DST: variants seen among roughly 807,000 people sequenced by gnomAD.
DST encodes dystonin.
A neutral mutation model predicts 875.2 loss-of-function variants in DST; 253 were observed. The observed-to-expected ratio is 0.29, with a 90% confidence interval of 0.26 to 0.32. The LOEUF is 0.32. DST is among the 10% of genes least tolerant of loss of function. The pLI is 1.00. For synonymous variants in DST, 3,124 were observed against 3,197.1 expected (o/e 0.98, Z 0.77); for missense variants, 8,287 against 9,111.6 (o/e 0.91, Z 3.68).
At chr6:56,729,451 G>A (rs1384786050) in intron 5 of DST, among the ~76,000 whole-genome samples, 7 of 152,044 alleles carry the variant, frequency 4.6e-5, no homozygotes, top group South Asian at 2.1e-4. Flanking sequence ...TTAGCTGGGC[G>A]TGGTGGCACA....
chr6:56,894,581 G>GC (rs1448787515), intron 3 of DST, among the ~76,000 whole-genome samples: 65 of 41,392 alleles, frequency 1.6e-3, no homozygotes, highest in East Asian at 3.6e-3. Flanking sequence ...GGGCAGAGGG[G>GC]TCCTCACTTC....
At chr6:56,915,896 A>G (rs1022050511) in intron 2 of DST, among the ~76,000 whole-genome samples, 2 of 152,238 alleles carry the variant, frequency 1.3e-5, no homozygotes, top group African/African-American at 2.4e-5. Context: ...CCAACAAACT[A>G]TTCTCCAGTA....
At position 56,954,818 on chromosome 6, in the gene DST, G is replaced by A. The variant is rs1423861080; in HGVS notation, c.-231C>T. ...TTGCCATGACTCAGCAGACAGCGAC[G>A]AGGCTGCGACTCGGCGGCTGGGATC... is the stretch of plus-strand genomic sequence containing the variant. On this transcript the variant is annotated 5_prime_UTR_variant, in exon 1 of 104. Transcript: ENST00000680361. Among the ~76,000 whole-genome samples, 4 of 149,702 alleles carry A rather than the reference G, an allele frequency of 2.7e-5. No homozygotes were observed. Among genetic ancestry groups the A allele is most frequent in the Admixed American group, 6.6e-5 (1 of 15,084 alleles).
In DST at chr6:56,552,314, C is replaced by A. The variant is rs754436072; in HGVS notation, c.16478G>T (p.Arg5493Leu). ...REEQVEGTIK[R>L]LEEFYSKLKE... ...CAATTTGCTGTAAAATTCTTCAAGG[C>A]GCTTAATTGTCCCTTCAACCTGCTC... is the stretch of plus-strand genomic sequence containing the variant. The change falls in exon 61 of 104, where the codon CGC becomes CTC. Residue 5493 changes from arginine to leucine, a missense_variant. Physicochemically the swap from Arg to Leu is moderately radical, Grantham distance 102. Coordinates refer to ENST00000680361, the MANE Select transcript of DST (RefSeq NM_001374736.1). 1.2e-6 allele frequency: 2 copies of A among 1,613,928 alleles called. No homozygotes were observed. Among genetic ancestry groups the A allele is most frequent in the Non-Finnish European group, 1.7e-6 (2 of 1,179,872 alleles).
rs147790989 is a variant in DST at position 56,552,364 on chromosome 6, T to C, written c.16428A>G (p.Leu5476=). ...LEALSKQCNK[L]LDRAQAREEQ... ...CTTCTCTGGCTTGGGCTCGGTCCAG[T>C]AACTTGTTGCATTGTTTGCTTAAGG... The change falls in exon 61 of 104, where the codon TTA becomes TTG. Residue 5476 remains leucine (L), a synonymous_variant. Transcript: ENST00000680361. 2 of 1,614,008 alleles carry C rather than the reference T, an allele frequency of 1.2e-6. No individual in the cohort carries two copies. The highest frequency in any genetic ancestry group is 2.7e-5 in the African/African-American group (2 of 75,050).
chr6:56,785,545 G>A (rs1370018347), intron 4 of DST, among the ~76,000 whole-genome samples: 4 of 152,174 alleles, frequency 2.6e-5, no homozygotes, highest in South Asian at 4.2e-4. Flanking sequence ...CTGGTGCACC[G>A]TTTCCTAAGC....
chr6:56,517,682 T>C (rs2096621250), intron 69 of DST, 62 bp from the exon 70 acceptor site: 4 of 1,529,732 alleles, frequency 2.6e-6, no homozygotes, highest in East Asian at 4.7e-5. Context: ...AAAATACCTA[T>C]CTACAGTTCT....
At chr6:56,509,935 T>A (rs1353603025) in intron 73 of DST, 62 bp from the exon 74 acceptor site, 3 of 1,284,500 alleles carry the variant, frequency 2.3e-6, no homozygotes, top group African/African-American at 3.0e-5. Context: ...GTGTGAAATT[T>A]AAATGAAAAA....
intron 79 of DST, 127 bp downstream of exon 79, chr6:56,501,393 G>C: frequency 9.0e-7 from 1 of 1,110,072 alleles, no homozygotes; most frequent in South Asian, 2.1e-5. Context: ...TAAGTTTGAC[G>C]CTCCTCATGG....
At chr6:56,804,058 G>A (rs900359257) in intron 4 of DST, among the ~76,000 whole-genome samples, 4 of 152,066 alleles carry the variant, frequency 2.6e-5, no homozygotes, top group Admixed American at 6.6e-5. Flanking sequence ...TCTTTACTGC[G>A]TAAATTTGAA....
intron 77 of DST, among the ~76,000 whole-genome samples, chr6:56,505,354 C>T (rs1464518295): frequency 1.3e-5 from 2 of 152,054 alleles, no homozygotes; most frequent in African/African-American, 4.8e-5. Context: ...GGTGGCATTG[C>T]CACCTCTAGC....
At chr6:56,729,553 G>A (rs1487623083) in intron 5 of DST, among the ~76,000 whole-genome samples, 9 of 149,854 alleles carry the variant, frequency 6.0e-5, no homozygotes, top group Admixed American at 6.0e-4. Flanking sequence ...GTTGCGGTGA[G>A]CCGAGATCGC....
At chr6:56,895,995 AGGGAGAGGGAGAC>A (rs1791004384) in intron 3 of DST, among the ~76,000 whole-genome samples, 1 of 55,596 alleles carries the variant, frequency 1.8e-5, no homozygotes, top group Admixed American at 1.5e-4. Context: ...TCGGCATGAG[AGGGAGAGGGAGAC>A]GGGAGAGGGA....
chr6:56,653,944 A>T (rs1246545639), intron 10 of DST, among the ~76,000 whole-genome samples: 2 of 152,206 alleles, frequency 1.3e-5, no homozygotes, highest in Non-Finnish European at 1.5e-5. Flanking sequence ...ACTTACTTTC[A>T]TTCTAAAGGT....
chr6:56,606,281 C>A lies in DST; in HGVS notation c.8347G>T (p.Asp2783Tyr). The A allele has an allele frequency of 6.3e-7, 1 of 1,587,162 alleles. No homozygotes were observed. The highest frequency in any genetic ancestry group is 1.1e-5 in the South Asian group (1 of 88,148). ...TCACTTTGCATAGAATCTAAATGAT[C>A]AGTATCGGAGTGAAATTCCTGTCCA... Reference protein sequence around the residue: ...VTGQEFHSDTDHLDSMQSEES... With the variant: ...VTGQEFHSDTYHLDSMQSEES... The change falls in exon 40 of 104, where the codon GAT becomes TAT. Residue 2783 changes from aspartate to tyrosine, a missense_variant. By Grantham distance (160) the Asp-to-Tyr change is radical. Transcript: ENST00000680361.
In DST at chr6:56,572,116, C is replaced by T. The variant is rs759202844; in HGVS notation, c.13705G>A (p.Asp4569Asn). 311 of 1,500,942 alleles carry T rather than the reference C, an allele frequency of 2.1e-4. No individual in the cohort carries two copies. Among genetic ancestry groups the T allele is most frequent in the Admixed American group, 1.0e-3 (46 of 44,272 alleles). The allele number at this position is 1,500,942 out of a possible 1,614,324, so 93.0% of individuals were successfully genotyped here. A position where few individuals can be genotyped will look rare whatever the true frequency, so the allele number is the denominator to read the frequency against. ...NLSKKFKEME[D>N]TIKEKKEAVT... ...GGTACTTACTTTTCTTTGATGGTAT[C>T]CTCCATTTCCTTGAATTTCTTTGAC... Residue 4569 changes from aspartate (D) to asparagine (N), a missense_variant, in exon 53 of 104, where the codon GAT becomes AAT. Physicochemically the swap from Asp to Asn is conservative, Grantham distance 23. This residue lies in a region of DST where 1,513 missense variants were observed against 1,677.8 expected (regional missense o/e 0.90). Coordinates refer to ENST00000680361, the MANE Select transcript of DST (RefSeq NM_001374736.1).
intron 62 of DST, among the ~76,000 whole-genome samples, chr6:56,535,558 T>A (rs1485027028): frequency 6.6e-6 from 1 of 152,170 alleles, no homozygotes; most frequent in Non-Finnish European, 1.5e-5. Context: ...GTCTAATACG[T>A]TTTATGATTA....
intron 49 of DST, among the ~76,000 whole-genome samples, chr6:56,584,907 T>G (rs1170586869): frequency 6.6e-6 from 1 of 151,974 alleles, no homozygotes; most frequent in Non-Finnish European, 1.5e-5. Flanking sequence ...TATTGATTTG[T>G]GTATATTGAA....
intron 99 of DST, among the ~76,000 whole-genome samples, chr6:56,465,099 AGGTGT>A (rs2094515730): frequency 1.3e-5 from 2 of 152,174 alleles, no homozygotes; most frequent in Non-Finnish European, 2.9e-5. Context: ...CTTCTCTCGC[AGGTGT>A]GTCTTTGGCC....
Sources: allele counts gnomAD v4.1 joint callset (sites outside exome capture counted in the v4.1 genomes callset), GRCh38; gene constraint gnomAD v4.1.1; regional missense constraint gnomAD v4.1.1; transcripts MANE v1.5; gene names NCBI Gene and HGNC (gene_info 2026-07-23, HGNC 2026-07-21).